The following PTPRM variants were observed in gnomAD, a reference collection of about 807,000 sequenced individuals.
PTPRM encodes the protein protein tyrosine phosphatase receptor type M.
PTPRM carries 47 observed loss-of-function variants against 186.7 expected under a neutral mutation model. The observed-to-expected ratio is 0.25, with a 90% confidence interval of 0.20 to 0.32. The LOEUF is 0.32. Among genes scored for constraint, PTPRM ranks in the 10% least tolerant of loss-of-function variants. The probability of loss-of-function intolerance (pLI) is 1.00; values close to 1 mark genes in which losing one functional copy is unlikely to be tolerated. For missense variants in PTPRM, 1,494 were observed against 1,865.0 expected (o/e 0.80, Z 3.66); for synonymous variants, 668 against 674.9 (o/e 0.99, Z 0.16).
At chr18:8,355,741 A>C (rs2095559998) in intron 23 of PTPRM, among the ~76,000 whole-genome samples, 1 of 152,220 alleles carries the variant, frequency 6.6e-6, no homozygotes. Context: ...AACTCTGGCT[A>C]ATTTCAGGAA....
intron 2 of PTPRM, among the ~76,000 whole-genome samples, chr18:7,813,748 C>G (rs1434126762): frequency 6.7e-6 from 1 of 148,664 alleles, no homozygotes; most frequent in East Asian, 2.0e-4. Flanking sequence ...CTTTTTTTTT[C>G]ACATTTTTTC....
rs373283090 is a variant in PTPRM at position 8,037,038 on chromosome 18, A to G, written c.1133-32648A>G. Among the ~76,000 whole-genome samples the G allele has an allele frequency of 8.5e-5, 13 of 152,332 alleles. No homozygotes were observed. The East Asian group carries it at 2.5e-3, about 29-fold the overall frequency. On this transcript the variant is annotated intron_variant, in intron 7 of 32. Coordinates refer to ENST00000580170, the MANE Select transcript of PTPRM (RefSeq NM_001105244.2). ...TTATGAAAGAAATCATTCCCTAAGC[A>G]AATGAGTCTCTCAGCCAGAAATGAA...
chr18:8,096,189 A>T (rs961632012), intron 11 of PTPRM, among the ~76,000 whole-genome samples: 2 of 152,220 alleles, frequency 1.3e-5, no homozygotes, highest in African/African-American at 4.8e-5. Context: ...TTCAGAAGGC[A>T]TGCCAGCAGC....
At chr18:8,307,306 C>A (rs1278412762) in intron 20 of PTPRM, among the ~76,000 whole-genome samples, 3 of 152,206 alleles carry the variant, frequency 2.0e-5, no homozygotes, top group Admixed American at 6.5e-5. Context: ...ATGTGATGAT[C>A]AGCCTGCTGC....
intron 1 of PTPRM, among the ~76,000 whole-genome samples, chr18:7,716,165 A>G (rs1393395286): frequency 6.6e-6 from 1 of 152,186 alleles, no homozygotes; most frequent in Admixed American, 6.5e-5. Context: ...AAACAGATAT[A>G]TAGACCAATG....
intron 7 of PTPRM, among the ~76,000 whole-genome samples, chr18:8,032,814 C>T (rs1208259231): frequency 6.6e-6 from 1 of 151,890 alleles, no homozygotes; most frequent in Non-Finnish European, 1.5e-5. Flanking sequence ...TATTTACTAA[C>T]TGGTTTGGGG....
At chr18:8,138,527 G>A (rs901821915) in intron 13 of PTPRM, among the ~76,000 whole-genome samples, 13 of 152,080 alleles carry the variant, frequency 8.5e-5, no homozygotes, top group African/African-American at 2.7e-4. Context: ...TCACACCTCC[G>A]TTCTGGTCCT....
intron 14 of PTPRM, 60 bp downstream of exon 14, chr18:8,143,839 G>A: frequency 6.3e-7 from 1 of 1,586,850 alleles, no homozygotes; most frequent in Non-Finnish European, 8.6e-7. Context: ...GGAATGTTTT[G>A]TGTGTGTGAA....
intron 23 of PTPRM, among the ~76,000 whole-genome samples, chr18:8,362,982 T>G (rs778338438): frequency 2.6e-5 from 4 of 152,204 alleles, no homozygotes; most frequent in Non-Finnish European, 5.9e-5. Flanking sequence ...AGTTTGTTGT[T>G]TACACATCTG....
chr18:7,609,082 T>C (rs1011946695), intron 1 of PTPRM, among the ~76,000 whole-genome samples: 1 of 152,222 alleles, frequency 6.6e-6, no homozygotes, highest in Admixed American at 6.5e-5. Context: ...TATTATTAAA[T>C]GATTACACAT....
intron 7 of PTPRM, among the ~76,000 whole-genome samples, chr18:8,052,233 A>G (rs968935807): frequency 1.3e-5 from 2 of 152,178 alleles, no homozygotes; most frequent in African/African-American, 2.4e-5. Context: ...GCTTCTTATG[A>G]TACAAATTCT....
chr18:7,979,997 G>C (rs1347281811), intron 7 of PTPRM, among the ~76,000 whole-genome samples: 1 of 152,126 alleles, frequency 6.6e-6, no homozygotes, highest in African/African-American at 2.4e-5. Flanking sequence ...CTGGCTCCTG[G>C]ACACCCCACA....
At chr18:7,586,541 A>G (rs1015016480) in intron 1 of PTPRM, among the ~76,000 whole-genome samples, 2 of 152,150 alleles carry the variant, frequency 1.3e-5, no homozygotes, top group Admixed American at 1.3e-4. Flanking sequence ...TGCGTGATGA[A>G]ACCTTGCCAG....
intron 1 of PTPRM, among the ~76,000 whole-genome samples, chr18:7,585,771 A>G (rs1282374567): frequency 2.0e-5 from 3 of 152,196 alleles, no homozygotes; most frequent in Non-Finnish European, 4.4e-5. Flanking sequence ...GCCGCTTGTC[A>G]TCGTATTTCT....
At chr18:8,388,854 G>A (rs1354781286) in intron 31 of PTPRM, among the ~76,000 whole-genome samples, 1 of 152,210 alleles carries the variant, frequency 6.6e-6, no homozygotes, top group African/African-American at 2.4e-5. Flanking sequence ...CCAGCTACTC[G>A]GGAGACTGAG....
At chr18:7,622,430 A>C (rs962626720) in intron 1 of PTPRM, among the ~76,000 whole-genome samples, 6 of 152,030 alleles carry the variant, frequency 3.9e-5, no homozygotes, top group Non-Finnish European at 8.8e-5. Flanking sequence ...AGGGGTCTAT[A>C]CTGGGTTTTC....
At position 7,766,508 on chromosome 18, in the gene PTPRM, C is replaced by T. The variant is rs138536126; in HGVS notation, c.74-7641C>T. ...TGGCAGAGGAGTTACTATGGGGCTG[C>T]ACCTGCAGGACTCAGAGGTAATGTG... On this transcript the variant is annotated intron_variant, in intron 1 of 32. Transcript: ENST00000580170. Among the ~76,000 whole-genome samples, 326 of 152,288 alleles carry T rather than the reference C, an allele frequency of 2.1e-3. 1 individual carries two copies. Among genetic ancestry groups the T allele is most frequent in the African/African-American group, 7.7e-3 (318 of 41,560 alleles).
At position 7,854,528 on chromosome 18, in the gene PTPRM, G is replaced by A. The variant is rs371214392; in HGVS notation, c.197-33578G>A. ...TGGAAAGTTTGTAGTATAAGATACT[G>A]GCAGGTACTTGAAAATGCAGGTAGC... On this transcript the variant is annotated intron_variant, in intron 2 of 32. Transcript: ENST00000580170. 2.0e-5 allele frequency among the ~76,000 whole-genome samples: 3 copies of A among 152,200 alleles called. No homozygotes were observed. The South Asian group carries it at 6.2e-4, about 32-fold the overall frequency.
intron 2 of PTPRM, among the ~76,000 whole-genome samples, chr18:7,839,992 G>A (rs1195923398): frequency 6.6e-6 from 1 of 150,888 alleles, no homozygotes; most frequent in Non-Finnish European, 1.5e-5. Flanking sequence ...GTGCCTCATG[G>A]CTGCTGTGCT....
Sources: gnomAD v4.1 joint callset for allele counts (sites outside exome capture counted in the v4.1 genomes callset) on GRCh38, gnomAD v4.1.1 for gene constraint, MANE v1.5 for transcripts, NCBI Gene and HGNC (gene_info 2026-07-23, HGNC 2026-07-21) for gene names.